The following FLNB variants were observed in gnomAD, a reference collection of about 807,000 sequenced individuals.
FLNB encodes filamin B, also known as filamin-B.
A neutral mutation model predicts 250.6 loss-of-function variants in FLNB; 111 were observed. The ratio of observed to expected loss-of-function variants is 0.44; its 90% CI spans 0.38 to 0.52. The LOEUF (loss-of-function observed/expected upper bound fraction) is 0.52, where lower values mean the gene tolerates loss of function less well. Ranked by LOEUF, FLNB falls within the 20% of genes least tolerant of loss-of-function variation. FLNB has a pLI of 0.00. For missense variants in FLNB, 2,869 were observed against 3,447.8 expected (o/e 0.83, Z 4.20); for synonymous variants, 1,302 against 1,372.1 (o/e 0.95, Z 1.13).
chr3:58,153,758 A>T (rs2107289927), intron 39 of FLNB, 117 bp downstream of exon 39: 1 of 1,174,040 alleles, frequency 8.5e-7, no homozygotes, highest in Middle Eastern at 2.4e-4. Context: ...AGGTGGCATT[A>T]AGGGCATTAT....
intron 34 of FLNB, 56 bp from the exon 35 acceptor site, chr3:58,148,150 T>C: frequency 1.3e-6 from 2 of 1,582,610 alleles, no homozygotes; most frequent in Non-Finnish European, 1.7e-6. Flanking sequence ...ATGGCAGCTC[T>C]GTGAAGCCAG....
intron 42 of FLNB, among the ~76,000 whole-genome samples, chr3:58,160,040 G>GA (rs1314444094): frequency 4.6e-5 from 7 of 150,828 alleles, no homozygotes; most frequent in South Asian, 2.1e-4. Context: ...CCTGTCTCCA[G>GA]AAAAAAAACA....
rs200949748 is a variant in FLNB at position 58,127,670 on chromosome 3, A to G, written c.4222+908A>G. ...ATTTGTGGCAACCAAAAATGTCTCCATATCTTGCCAGATGTCTTAAGGGAC... is the reference window on the plus strand; with the variant it reads ...ATTTGTGGCAACCAAAAATGTCTCCGTATCTTGCCAGATGTCTTAAGGGAC... On this transcript the variant is annotated intron_variant, in intron 24 of 45. Coordinates refer to ENST00000295956, the MANE Select transcript of FLNB (RefSeq NM_001457.4). Among the ~76,000 whole-genome samples, 15 of 152,326 alleles carry G rather than the reference A, an allele frequency of 9.8e-5. No homozygotes were observed. The East Asian group carries it at 2.7e-3, about 27-fold the overall frequency.
intron 1 of FLNB, among the ~76,000 whole-genome samples, chr3:58,042,043 G>T (rs933764291): frequency 6.6e-6 from 1 of 152,148 alleles, no homozygotes; most frequent in African/African-American, 2.4e-5. Context: ...CATTTCTAAA[G>T]TTTCTCAGTT....
At chr3:58,059,070 G>A (rs1374810031) in intron 1 of FLNB, among the ~76,000 whole-genome samples, 1 of 152,162 alleles carries the variant, frequency 6.6e-6, no homozygotes, top group African/African-American at 2.4e-5. Flanking sequence ...GCATGTTAAA[G>A]GCTCTGAGAA....
At chr3:58,071,561 G>T (rs562323283) in intron 1 of FLNB, among the ~76,000 whole-genome samples, 1 of 152,238 alleles carries the variant, frequency 6.6e-6, no homozygotes, top group Admixed American at 6.5e-5. Context: ...TTATAGGTGT[G>T]AGCCACCATG....
At chr3:58,111,759 G>C in intron 16 of FLNB, 32 bp from the exon 17 acceptor site, 2 of 1,551,646 alleles carry the variant, frequency 1.3e-6, no homozygotes, top group Non-Finnish European at 1.8e-6. Context: ...TGCTTCAGGG[G>C]CTTTCCTACT....
chr3:58,107,911 A>G (rs1478475366), intron 12 of FLNB, among the ~76,000 whole-genome samples: 1 of 152,222 alleles, frequency 6.6e-6, no homozygotes, highest in East Asian at 1.9e-4. Flanking sequence ...CAAAGTGGGA[A>G]CGTTGAAACT....
intron 3 of FLNB, among the ~76,000 whole-genome samples, chr3:58,080,591 T>C (rs2097207765): frequency 6.7e-6 from 1 of 150,184 alleles, no homozygotes; most frequent in African/African-American, 2.5e-5. Context: ...GCCTCCTAGG[T>C]ACAAGCGATT....
rs2097367776 is a variant in FLNB, at chr3:58,164,883, G to A, written c.7198+1553G>A. 1 of 152,556 alleles carries A rather than the reference G, an allele frequency of 6.6e-6. No homozygotes were observed. Among genetic ancestry groups the A allele is most frequent in the African/African-American group, 2.4e-5 (1 of 41,470 alleles). 9.5% of individuals were successfully genotyped at this position (152,556 alleles called of 1,614,324 possible). ...TGGGAGGAGGCAGAACCAGGAATCA[G>A]TCTACATCCGTGACCTCAGAGCCTA... On this transcript the variant is annotated intron_variant, in intron 43 of 45. Transcript: ENST00000295956. The surrounding 1 kb of genome is among the most constrained non-coding windows in gnomAD (Gnocchi z 4.0).
chr3:58,105,126 C>T lies in FLNB; in HGVS notation c.1657C>T (p.Arg553Cys), dbSNP rs760072122. ...VGPEAGMQKV[R>C]AWGPGLHGGI... ...CCCTGAAGCGGGTATGCAGAAAGTC[C>T]GTGCTTGGGGCCCTGGGCTCCATGG... Residue 553 changes from arginine to cysteine, a missense_variant, in exon 11 of 46, where the codon CGT (arginine) becomes TGT (cysteine). By Grantham distance (180) the Arg-to-Cys change is radical. Around this residue, in one of 5 missense-constraint regions of FLNB, gnomAD observed 1,348 missense variants for 1,466.7 expected, o/e 0.92. Transcript: ENST00000295956. The T allele has an allele frequency of 3.1e-6, 5 of 1,614,118 alleles. No individual in the cohort carries two copies. In the South Asian group the frequency reaches 3.3e-5, roughly 11 times the overall value.
At chr3:58,022,533 C>T (rs934048756) in intron 1 of FLNB, among the ~76,000 whole-genome samples, 1 of 152,188 alleles carries the variant, frequency 6.6e-6, no homozygotes, top group Non-Finnish European at 1.5e-5. Flanking sequence ...CTGAAAGTCA[C>T]AATCATAGTA....
chr3:58,130,689 G>A, intron 24 of FLNB, 52 bp from the exon 25 acceptor site: 2 of 1,585,658 alleles, frequency 1.3e-6, no homozygotes, highest in Non-Finnish European at 1.7e-6. Flanking sequence ...GTGTGCACAA[G>A]GTGGTCTCCA....
intron 25 of FLNB, 74 bp downstream of exon 25, chr3:58,130,982 CTTTGCTTTTGAG>C: frequency 1.4e-6 from 2 of 1,452,096 alleles, no homozygotes; most frequent in South Asian, 1.2e-5. Flanking sequence ...AGAGCAGATG[CTTTGCTTTTGAG>C]TTTGCTCATG....
chr3:58,015,358 G>A (rs1341067561), intron 1 of FLNB, among the ~76,000 whole-genome samples: 1 of 152,132 alleles, frequency 6.6e-6, no homozygotes, highest in Non-Finnish European at 1.5e-5. Context: ...CTATTCTCTG[G>A]CCAGTCCAGA....
chr3:58,096,350 A>G, intron 6 of FLNB, 132 bp downstream of exon 6: 1 of 731,478 alleles, frequency 1.4e-6, no homozygotes, highest in South Asian at 1.5e-5. Context: ...ATCTATGCTC[A>G]TGATAGAAAA....
intron 7 of FLNB, among the ~76,000 whole-genome samples, chr3:58,098,343 G>T (rs562569136): frequency 3.9e-4 from 60 of 152,286 alleles, no homozygotes; most frequent in Admixed American, 3.0e-3. Flanking sequence ...TGTTGTTGTT[G>T]TTGGGGGAAC....
At chr3:58,150,338 G>A in intron 38 of FLNB, 111 bp downstream of exon 38, 1 of 1,249,808 alleles carries the variant, frequency 8.0e-7, no homozygotes, top group Non-Finnish European at 1.2e-6. Context: ...ATCCAAGTCG[G>A]CTGTGCTGAC....
intron 1 of FLNB, among the ~76,000 whole-genome samples, chr3:58,041,128 G>C (rs1301611582): frequency 6.6e-6 from 1 of 152,134 alleles, no homozygotes; most frequent in African/African-American, 2.4e-5. Flanking sequence ...GCAAGCAAGT[G>C]GCTGAGCCTG....
Sources: gnomAD v4.1 joint callset for allele counts (sites outside exome capture counted in the v4.1 genomes callset) on GRCh38, gnomAD v4.1.1 for gene constraint, gnomAD v4.1.1 regional missense constraint, Gnocchi (gnomAD v3.1) non-coding constraint, MANE v1.5 for transcripts, NCBI Gene and HGNC (gene_info 2026-07-23, HGNC 2026-07-21) for gene names.